Variants in NUP62CL observed in about 807,000 individuals in gnomAD.
The protein encoded by NUP62CL is nucleoporin-62 C-terminal-like protein.
NUP62CL carries 13 observed loss-of-function variants against 15.3 expected under a neutral mutation model. That is an observed-to-expected ratio of 0.85 (90% CI 0.55 to 1.35). The LOEUF (loss-of-function observed/expected upper bound fraction) is 1.35, where lower values mean the gene tolerates loss of function less well. NUP62CL is among the 40% of genes most tolerant of loss of function. The probability of loss-of-function intolerance (pLI) is 0.00; values close to 1 mark genes in which losing one functional copy is unlikely to be tolerated. For synonymous variants in NUP62CL, 54 were observed against 49.2 expected (o/e 1.10, Z -0.41); for missense variants, 123 against 130.6 (o/e 0.94, Z 0.28).
At chrX:107,185,478 G>A (rs1927039758) in intron 2 of NUP62CL, among the ~76,000 whole-genome samples, 2 of 110,714 alleles carry the variant, frequency 1.8e-5, no homozygotes, top group Non-Finnish European at 3.8e-5. Flanking sequence ...GGACATACAG[G>A]GAGGAACAAT....
intron 8 of NUP62CL, among the ~76,000 whole-genome samples, chrX:107,127,743 A>T (rs1925422304): frequency 9.0e-6 from 1 of 111,109 alleles, no homozygotes; most frequent in Non-Finnish European, 1.9e-5. Context: ...TATATAGTAT[A>T]TCTCTCATTT....
intron 1 of NUP62CL, among the ~76,000 whole-genome samples, chrX:107,202,911 G>A (rs1023607401): frequency 1.2e-4 from 12 of 102,485 alleles, no homozygotes; most frequent in Non-Finnish European, 2.0e-4. Flanking sequence ...CCCAGAGGTC[G>A]AGGCTGCAGT....
intron 7 of NUP62CL, chrX:107,150,838 A>G (rs1214689942): frequency 2.9e-6 from 1 of 340,001 alleles, no homozygotes; most frequent in Non-Finnish European, 5.9e-6. Context: ...GCCTAAGTAC[A>G]CAAAGCAGTA....
chrX:107,155,296 A>G (rs5962792), intron 4 of NUP62CL, among the ~76,000 whole-genome samples: 34,551 of 111,275 alleles, frequency 0.31, 5,155 homozygotes, highest in African/African-American at 0.57. Flanking sequence ...ATATGAAACA[A>G]AGTAGTTGAC....
At chrX:107,135,958 C>A (rs1252123779) in intron 8 of NUP62CL, among the ~76,000 whole-genome samples, 1 of 110,769 alleles carries the variant, frequency 9.0e-6, no homozygotes, top group Non-Finnish European at 1.9e-5. Flanking sequence ...TGCTACCCTC[C>A]AACCCATAAG....
At chrX:107,161,999 C>A (rs927682591) in intron 4 of NUP62CL, among the ~76,000 whole-genome samples, 6 of 107,591 alleles carry the variant, frequency 5.6e-5, no homozygotes, top group African/African-American at 2.0e-4. Flanking sequence ...TTTCTTAAAA[C>A]AAATGAAAAA....
chrX:107,181,719 T>C (rs1265442985), intron 2 of NUP62CL, among the ~76,000 whole-genome samples: 1 of 111,869 alleles, frequency 8.9e-6, no homozygotes, highest in African/African-American at 3.2e-5. Flanking sequence ...GACATCTTTA[T>C]CTTATAGGGT....
chrX:107,129,146 C>T (rs1340180762), intron 8 of NUP62CL, among the ~76,000 whole-genome samples: 1 of 111,629 alleles, frequency 9.0e-6, no homozygotes, highest in Non-Finnish European at 1.9e-5. Context: ...AGGACAAAAA[C>T]AAGAAAGGAG....
At chrX:107,146,513 G>A in intron 8 of NUP62CL, among the ~76,000 whole-genome samples, 1 of 111,994 alleles carries the variant, frequency 8.9e-6, no homozygotes, top group South Asian at 3.7e-4. Context: ...TGAGGCAGGT[G>A]TTCAAGATGA....
intron 4 of NUP62CL, among the ~76,000 whole-genome samples, chrX:107,155,142 C>T (rs1306972496): frequency 1.8e-5 from 2 of 111,941 alleles, no homozygotes; most frequent in Non-Finnish European, 3.8e-5. Context: ...TTGACCTCCA[C>T]ATCCACTGGC....
intron 8 of NUP62CL, among the ~76,000 whole-genome samples, chrX:107,141,804 A>G: frequency 9.0e-6 from 1 of 110,963 alleles, no homozygotes; most frequent in East Asian, 2.8e-4. Flanking sequence ...TCATGCTTGT[A>G]ATCCTCACAC....
chrX:107,135,609 A>G (rs929597948), intron 8 of NUP62CL, among the ~76,000 whole-genome samples: 2 of 111,671 alleles, frequency 1.8e-5, no homozygotes, highest in African/African-American at 6.5e-5. Context: ...CTGGAAACCT[A>G]CTAGGCAAGG....
chrX:107,131,317 G>C (rs896959695), intron 8 of NUP62CL, among the ~76,000 whole-genome samples: 1 of 111,571 alleles, frequency 9.0e-6, no homozygotes, highest in African/African-American at 3.3e-5. Flanking sequence ...TTAGATTCCT[G>C]AGTAAATAGC....
chrX:107,197,984 A>G (rs186124403), intron 1 of NUP62CL, among the ~76,000 whole-genome samples: 34 of 112,678 alleles, frequency 3.0e-4, no homozygotes, highest in African/African-American at 8.4e-4. Flanking sequence ...AGCTTTCCAA[A>G]GTATAATGCT....
intron 1 of NUP62CL, among the ~76,000 whole-genome samples, chrX:107,201,475 C>T (rs946757123): frequency 1.2e-4 from 13 of 111,267 alleles, no homozygotes; most frequent in Non-Finnish European, 9.4e-5. Context: ...TTATATGAAT[C>T]TTATCTCTAT....
intron 8 of NUP62CL, among the ~76,000 whole-genome samples, chrX:107,125,593 C>T (rs1925368530): frequency 9.0e-6 from 1 of 111,382 alleles, no homozygotes; most frequent in African/African-American, 3.3e-5. Flanking sequence ...TATAAAAGGC[C>T]AGAAAAACAT....
At chrX:107,147,604 C>A in intron 8 of NUP62CL, 139 bp downstream of exon 8, 1 of 394,463 alleles carries the variant, frequency 2.5e-6, no homozygotes. Context: ...TTTTTCAGAA[C>A]TATAATACAC....
At chrX:107,147,489 T>A (rs1192729528) in intron 8 of NUP62CL, among the ~76,000 whole-genome samples, 1 of 111,667 alleles carries the variant, frequency 9.0e-6, no homozygotes, top group African/African-American at 3.2e-5. Flanking sequence ...ATAGAAGTCT[T>A]GCTTCTATCC....
rs975635120 is a variant in NUP62CL, at chrX:107,204,883, T to C, written c.-92+1390A>G. Among the ~76,000 whole-genome samples, 3 of 78,550 alleles carry C rather than the reference T, an allele frequency of 3.8e-5. No individual in the cohort carries two copies. In the Admixed American group the frequency reaches 4.1e-4, roughly 11 times the overall value. 68.2% of individuals were successfully genotyped at this position (78,550 alleles called of 115,157 possible). Reference sequence around the variant, plus strand: ...ATTTTAAATAAATTATTTAAATAAATTTTAAATAAATTATTTAAATAAATT... The same window carrying C: ...ATTTTAAATAAATTATTTAAATAAACTTTAAATAAATTATTTAAATAAATT... On this transcript the variant is annotated intron_variant, in intron 1 of 8. Coordinates refer to ENST00000372466, the MANE Select transcript of NUP62CL (RefSeq NM_017681.3).
Sources: allele counts gnomAD v4.1 joint callset (sites outside exome capture counted in the v4.1 genomes callset), GRCh38; gene constraint gnomAD v4.1.1; transcripts MANE v1.5; gene names NCBI Gene and HGNC (gene_info 2026-07-23, HGNC 2026-07-21).